Variants in FBXO27 observed in about 807,000 individuals in gnomAD.
FBXO27 encodes F-box protein 27.
FBXO27 carries 28 observed loss-of-function variants against 28.3 expected under a neutral mutation model. The ratio of observed to expected loss-of-function variants is 0.99; its 90% CI spans 0.73 to 1.36. FBXO27 has a LOEUF of 1.36. Among genes scored for constraint, FBXO27 ranks in the 40% most tolerant of loss-of-function variants. The pLI is 0.00. For synonymous variants in FBXO27, 175 were observed against 167.3 expected (o/e 1.05, Z -0.36); for missense variants, 388 against 394.1 (o/e 0.98, Z 0.13).
chr19:39,007,607 A>G (rs1975745121), intron 2 of FBXO27, among the ~76,000 whole-genome samples: 1 of 150,618 alleles, frequency 6.6e-6, no homozygotes. Flanking sequence ...CCAGATGCCA[A>G]GTTTGTGTTT....
At chr19:39,030,072 G>C (rs7255211) in intron 4 of FBXO27, among the ~76,000 whole-genome samples, 91,238 of 151,894 alleles carry the variant, frequency 0.6, 27,723 homozygotes, top group Middle Eastern at 0.63. Context: ...GAACTCCTTA[G>C]CTCAAGAGAT....
downstream of FBXO27, among the ~76,000 whole-genome samples, chr19:39,020,854 A>G (rs912866573): frequency 2.0e-5 from 3 of 147,730 alleles, no homozygotes; most frequent in African/African-American, 7.6e-5. Context: ...AATTAACAGA[A>G]GATTTTTTTT....
chr19:39,032,195 G>A lies in FBXO27; in HGVS notation c.33C>T (p.Ala11=), dbSNP rs1302426743. Residue 11 remains alanine (A), a synonymous_variant, in exon 2 of 6, where the codon GCC becomes GCT. Transcript: ENST00000292853. The surrounding 1 kb of genome is among the most constrained non-coding windows in gnomAD (Gnocchi z 4.7). MGASVSRGRA[A]RVPAPEPEPE... is the part of the protein sequence containing the mutation. Reference sequence around the variant, plus strand: ...GTTCCGGCTCCGGCGCGGGGACCCGGGCGGCCCGGCCCCTGGAGACCGAGG... The same window carrying A: ...GTTCCGGCTCCGGCGCGGGGACCCGAGCGGCCCGGCCCCTGGAGACCGAGG... The A allele has an allele frequency of 6.7e-7, 1 of 1,482,986 alleles. No homozygotes were observed. Among genetic ancestry groups the A allele is most frequent in the South Asian group, 1.3e-5 (1 of 75,618 alleles). 91.9% of individuals were successfully genotyped at this position (1,482,986 alleles called of 1,614,324 possible).
chr19:39,015,017 C>CAAAA (rs35545169), intron 1 of FBXO27, among the ~76,000 whole-genome samples: 2 of 125,892 alleles, frequency 1.6e-5, no homozygotes, highest in African/African-American at 3.1e-5. Context: ...GACTCTGTCT[C>CAAAA]AAAAAAAAAA....
intron 2 of FBXO27, among the ~76,000 whole-genome samples, chr19:39,006,305 C>T (rs1318192523): frequency 6.6e-6 from 1 of 152,114 alleles, no homozygotes; most frequent in Non-Finnish European, 1.5e-5. Context: ...CTCCTGTAAT[C>T]CCAGCACTTT....
In FBXO27 at chr19:39,025,558, T is replaced by C; in HGVS notation, c.709-4A>G. The C allele has an allele frequency of 1.2e-6, 2 of 1,612,366 alleles. No individual in the cohort carries two copies. Among genetic ancestry groups the C allele is most frequent in the Middle Eastern group, 1.7e-4 (1 of 6,054 alleles). On this transcript the variant is annotated splice_region_variant and splice_polypyrimidine_tract_variant and intron_variant, in intron 5 of 5. Coordinates refer to ENST00000292853, the MANE Select transcript of FBXO27 (RefSeq NM_178820.5). ...TGTTGGAGAACACGTGGGTGACCTG[T>C]AGGCAGAGGAGGGGCTCAGCTCCAT...
intron 2 of FBXO27, among the ~76,000 whole-genome samples, chr19:39,007,879 T>G (rs1393887614): frequency 6.6e-6 from 1 of 152,114 alleles, no homozygotes; most frequent in African/African-American, 2.4e-5. Context: ...CTCGAACTCC[T>G]GGGCTCAAGA....
At chr19:39,007,626 T>C (rs996720794) in intron 2 of FBXO27, among the ~76,000 whole-genome samples, 1 of 152,134 alleles carries the variant, frequency 6.6e-6, no homozygotes, top group Non-Finnish European at 1.5e-5. Flanking sequence ...TTGGGCTTTT[T>C]TTCAAACATT....
chr19:39,009,490 C>T (rs2072784501), intron 2 of FBXO27, among the ~76,000 whole-genome samples: 1 of 152,104 alleles, frequency 6.6e-6, no homozygotes, highest in Admixed American at 6.6e-5. Flanking sequence ...ATTCATCCTA[C>T]TGGGTAGGAA....
chr19:39,028,101 C>A (rs772192441), intron 4 of FBXO27, among the ~76,000 whole-genome samples: 1 of 151,862 alleles, frequency 6.6e-6, no homozygotes, highest in Non-Finnish European at 1.5e-5. Context: ...ATTAGCCAGG[C>A]GTGGTGGCAG....
downstream of FBXO27, among the ~76,000 whole-genome samples, chr19:39,020,898 A>C (rs186033325): frequency 5.3e-5 from 8 of 151,730 alleles, no homozygotes; most frequent in South Asian, 4.2e-4. Flanking sequence ...TCTGTCACCC[A>C]GGCTGGAGTG....
At chr19:39,011,702 G>T (rs1402205433) in intron 2 of FBXO27, among the ~76,000 whole-genome samples, 3 of 148,342 alleles carry the variant, frequency 2.0e-5, no homozygotes, top group African/African-American at 4.9e-5. Flanking sequence ...GCGGGGGAGG[G>T]GGGGTCTCCC....
At chr19:39,013,489 G>A (rs144311074) in intron 2 of FBXO27, among the ~76,000 whole-genome samples, 3,542 of 151,950 alleles carry the variant, frequency 0.023, 137 homozygotes, top group African/African-American at 0.081. Context: ...AATTAGCCAG[G>A]CATGGTGGCG....
rs1185569601 is a variant in FBXO27 at position 39,032,024 on chromosome 19, C to T, written c.204G>A (p.Leu68=). 2 of 1,527,274 alleles carry T rather than the reference C, an allele frequency of 1.3e-6. No individual in the cohort carries two copies. The highest frequency in any genetic ancestry group is 2.9e-5 in the African/African-American group (2 of 69,584). 94.6% of individuals were successfully genotyped at this position (1,527,274 alleles called of 1,614,324 possible). The part of the protein sequence containing the change: ...RALVDGQALW[L]LILARDHGAT... Reference sequence around the variant, plus strand: ...CGCCGTGGTCGCGGGCCAGGATCAGCAGCCACAGGGCCTGGCCGTCCACCA... The same window carrying T: ...CGCCGTGGTCGCGGGCCAGGATCAGTAGCCACAGGGCCTGGCCGTCCACCA... Residue 68 remains leucine, a synonymous_variant, in exon 2 of 6, where the codon CTG becomes CTA. Transcript: ENST00000292853. This position sits in a 1 kb window ranked among gnomAD's most constrained non-coding sequence, Gnocchi z 4.7.
In FBXO27 at chr19:39,031,108, G is replaced by C. The variant is rs142305195; in HGVS notation, c.493C>G (p.Gln165Glu). Residue 165 changes from glutamine to glutamate, a missense_variant, in exon 4 of 6, where the codon CAG becomes GAG. Physicochemically the swap from Gln to Glu is conservative, Grantham distance 29. Coordinates refer to ENST00000292853, the MANE Select transcript of FBXO27 (RefSeq NM_178820.5). The part of the protein sequence containing the change: ...VTSFSWCCKK[Q>E]VLDLEEEGLW... ...CCCTCCTCCTCTAGGTCCAAGACCT[G>C]CTTCTTGCAACACCAGCTGGGAATG... 6.2e-7 allele frequency: 1 copy of C among 1,614,110 alleles called. No homozygotes were observed. The highest frequency in any genetic ancestry group is 8.5e-7 in the Non-Finnish European group (1 of 1,179,988).
chr19:39,014,012 CA>C (rs1229229340), intron 2 of FBXO27, among the ~76,000 whole-genome samples: 1 of 151,828 alleles, frequency 6.6e-6, no homozygotes, highest in African/African-American at 2.4e-5. Flanking sequence ...GACTCCGTCT[CA>C]AAAAACAAAA....
chr19:39,020,924 A>G (rs6508838), downstream of FBXO27, among the ~76,000 whole-genome samples: 90,599 of 151,484 alleles, frequency 0.6, 27,385 homozygotes, highest in Middle Eastern at 0.63. Flanking sequence ...GCAAAATCTC[A>G]GCTCACTGCA....
chr19:39,023,335 A>G (rs916219621), downstream of FBXO27, among the ~76,000 whole-genome samples: 7 of 152,056 alleles, frequency 4.6e-5, no homozygotes, highest in East Asian at 7.7e-4. Context: ...TTTTTTTCCC[A>G]TCTGGCTTAT....
At chr19:39,020,947 C>T (rs573792718), downstream of FBXO27, among the ~76,000 whole-genome samples, 2 of 151,852 alleles carry the variant, frequency 1.3e-5, no homozygotes, top group Non-Finnish European at 2.9e-5. Flanking sequence ...CTCCGCCTCC[C>T]GGGTTCAAGT....
Sources: allele counts gnomAD v4.1 joint callset (sites outside exome capture counted in the v4.1 genomes callset), GRCh38; gene constraint gnomAD v4.1.1; non-coding constraint Gnocchi (gnomAD v3.1); transcripts MANE v1.5; gene names NCBI Gene and HGNC (gene_info 2026-07-23, HGNC 2026-07-21).